Variants in KCNT1 observed in about 807,000 individuals in gnomAD.
KCNT1 encodes the protein potassium sodium-activated channel subfamily T member 1, also known as potassium channel subfamily T member 1.
KCNT1 carries 78 observed loss-of-function variants against 147.8 expected under a neutral mutation model. That is an observed-to-expected ratio of 0.53 (90% CI 0.44 to 0.64). KCNT1 has a LOEUF of 0.64. KCNT1 is among the 30% of genes least tolerant of loss of function. The probability of loss-of-function intolerance (pLI) is 0.00; values close to 1 mark genes in which losing one functional copy is unlikely to be tolerated. For synonymous variants in KCNT1, 867 were observed against 748.8 expected, an observed-to-expected ratio of 1.16 and a Z score of -2.58; for missense variants, 1,419 against 1,750.3, an observed-to-expected ratio of 0.81 and a Z score of 3.38.
chr9:135,718,277 G>A (rs1477177811), intron 2 of KCNT1, among the ~76,000 whole-genome samples: 1 of 152,262 alleles, frequency 6.6e-6, no homozygotes, highest in Non-Finnish European at 1.5e-5. Flanking sequence ...CAGGAGCCGT[G>A]TGAGGTGGGA....
chr9:135,707,676 G>A (rs954097078), intron 1 of KCNT1, among the ~76,000 whole-genome samples: 2 of 152,180 alleles, frequency 1.3e-5, no homozygotes, highest in Non-Finnish European at 2.9e-5. Flanking sequence ...CTCGCCTGGC[G>A]TCTGGCCCAA....
At chr9:135,772,992 C>T (rs770237245) in intron 19 of KCNT1, 43 bp downstream of exon 19, 10 of 1,362,012 alleles carry the variant, frequency 7.3e-6, no homozygotes, top group South Asian at 6.2e-5. Flanking sequence ...GGGGAGGAGC[C>T]GCCCATGAGT....
At chr9:135,764,911 C>A in intron 11 of KCNT1, 120 bp from the exon 12 acceptor site, 4 of 1,050,600 alleles carry the variant, frequency 3.8e-6, no homozygotes, top group East Asian at 2.6e-5. Flanking sequence ...AGGTGTCACC[C>A]CCCGGCCGGC....
chr9:135,795,307 G>A lies in KCNT1; in HGVS notation c.*3146G>A, dbSNP rs1040207987. ...TACAAAAAAAAAAATAGCTAGACGTGGTGGCATGTGCATACAGTCCCAGGT... is the reference window on the plus strand; with the variant it reads ...TACAAAAAAAAAAATAGCTAGACGTAGTGGCATGTGCATACAGTCCCAGGT... On this transcript the variant is annotated 3_prime_UTR_variant, in exon 31 of 31. Transcript: ENST00000371757. The A allele has an allele frequency of 4.0e-5, 6 of 151,720 alleles. No individual in the cohort carries two copies. Among genetic ancestry groups the A allele is most frequent in the African/African-American group, 1.5e-4 (6 of 41,286 alleles). 9.4% of individuals were successfully genotyped at this position (151,720 alleles called of 1,614,324 possible). A position where few individuals can be genotyped will look rare whatever the true frequency, so the allele number is the denominator to read the frequency against.
At chr9:135,753,813 G>A (rs1028268524) in intron 4 of KCNT1, 124 bp from the exon 5 acceptor site, 7 of 933,186 alleles carry the variant, frequency 7.5e-6, no homozygotes, top group African/African-American at 1.6e-5. Context: ...TGATGTGGGG[G>A]TTAGCCCCGG....
intron 24 of KCNT1, 104 bp from the exon 25 acceptor site, chr9:135,783,920 A>G: frequency 1.3e-6 from 1 of 795,176 alleles, no homozygotes; most frequent in Non-Finnish European, 2.2e-6. Context: ...CACAGGTATC[A>G]TGCACACATG....
Position 135,772,912 on chromosome 9 carries a change from G to T in KCNT1, c.2206G>T (p.Val736Leu). 1.9e-6 allele frequency: 3 copies of T among 1,538,612 alleles called. 1 individual carries two copies. Among genetic ancestry groups the T allele is most frequent in the South Asian group, 2.4e-5 (2 of 81,852 alleles). The change falls in exon 19 of 31, where the codon GTG (valine) becomes TTG (leucine). Residue 736 changes from valine to leucine, a missense_variant. Physicochemically the swap from Val to Leu is conservative, Grantham distance 32. Transcript: ENST00000371757. ...GCTGAGCGACCAGTCGGAGGATGAG[G>T]TGACGCCGTCGGACGACGAGGGGCT... is the stretch of plus-strand genomic sequence containing the variant. ...DLLSDQSEDEVTPSDDEGLSV... is the reference protein window; with the variant it reads ...DLLSDQSEDELTPSDDEGLSV...
At chr9:135,702,496 C>T in intron 1 of KCNT1, 128 bp downstream of exon 1, 4 of 764,424 alleles carry the variant, frequency 5.2e-6, no homozygotes, top group Non-Finnish European at 8.8e-6. Flanking sequence ...CCCCAGGACC[C>T]GCGAGTGCCC....
intron 11 of KCNT1, among the ~76,000 whole-genome samples, chr9:135,763,837 G>A (rs1221569985): frequency 1.3e-5 from 2 of 152,118 alleles, no homozygotes; most frequent in East Asian, 1.9e-4. Context: ...TCATCCTCAC[G>A]GCGGCCCTGG....
At position 135,739,209 on chromosome 9, in the gene KCNT1, CA is replaced by C. The variant is rs1404579838; in HGVS notation, c.255-10888del. On this transcript the variant is annotated intron_variant, in intron 2 of 30. Transcript: ENST00000371757. The stretch of plus-strand genomic sequence containing the variant: ...TCACCTGGACTGCGTGTTCTGCCCC[CA>C]CACCATCCCTGAGGGAGGTGGGGCA... 4.6e-5 allele frequency among the ~76,000 whole-genome samples: 7 copies of C among 152,220 alleles called. No homozygotes were observed. In the East Asian group the frequency reaches 1.4e-3, roughly 30 times the overall value.
At chr9:135,727,781 C>T (rs1183875369) in intron 2 of KCNT1, among the ~76,000 whole-genome samples, 1 of 152,222 alleles carries the variant, frequency 6.6e-6, no homozygotes, top group Non-Finnish European at 1.5e-5. Context: ...AGCAAAGGAC[C>T]ATCCAGAGAG....
Position 135,751,040 on chromosome 9 carries a change from T to C in KCNT1, c.433T>C (p.Cys145Arg). 1 of 1,610,320 alleles carries C rather than the reference T, an allele frequency of 6.2e-7. No homozygotes were observed. Among genetic ancestry groups the C allele is most frequent in the South Asian group, 1.1e-5 (1 of 91,050 alleles). ...CGATGACCCGGCCCTGGGCATCGGA[T>C]GGTGGGCCACGTGCGCGGCCGGGCG... ...LLDDPALGIG[C>R]WGCPKQNYSF... is the part of the protein sequence containing the mutation. Residue 145 changes from cysteine to arginine, a missense_variant and splice_region_variant, in exon 4 of 31, where the codon TGC (cysteine) becomes CGC (arginine). By Grantham distance (180) the Cys-to-Arg change is radical (BLOSUM62 -3). Transcript: ENST00000371757.
At chr9:135,767,814 TG>T (rs1832391373) in intron 13 of KCNT1, among the ~76,000 whole-genome samples, 1 of 151,938 alleles carries the variant, frequency 6.6e-6, no homozygotes, top group Non-Finnish European at 1.5e-5. Context: ...AGGGACAAGC[TG>T]GGGGGTTGCT....
intron 1 of KCNT1, among the ~76,000 whole-genome samples, chr9:135,707,166 G>A (rs1483845434): frequency 6.6e-6 from 1 of 152,060 alleles, no homozygotes; most frequent in East Asian, 1.9e-4. Context: ...AAGGCCCGGT[G>A]CACCCCTGCA....
At position 135,777,488 on chromosome 9, in the gene KCNT1, A is replaced by G. The variant is rs1476079719; in HGVS notation, c.2500A>G (p.Ile834Val). The G allele has an allele frequency of 3.1e-6, 5 of 1,613,702 alleles. No individual in the cohort carries two copies. Among genetic ancestry groups the G allele is most frequent in the East Asian group, 2.2e-5 (1 of 44,890 alleles). The change falls in exon 21 of 31, where the codon ATC becomes GTC. Residue 834 changes from isoleucine to valine, a missense_variant. By Grantham distance (29) the Ile-to-Val change is conservative. Around this residue, in one of 5 missense-constraint regions of KCNT1, gnomAD observed 247 missense variants for 397.1 expected, o/e 0.62. Transcript: ENST00000371757. The part of the protein sequence containing the change: ...YYRSRKELNP[I>V]VLLLDNKPDH... ...CAGATCCCGCAAGGAGCTGAACCCC[A>G]TCGTGCTGCTGCTGGACAACAAGTG...
At chr9:135,785,694 C>T (rs1183572413) in intron 28 of KCNT1, 6 of 504,348 alleles carry the variant, frequency 1.2e-5, no homozygotes, top group Non-Finnish European at 2.2e-5. Context: ...AGGTGGGATG[C>T]CTACCTCTTC....
At chr9:135,735,495 G>A (rs1830298293) in intron 2 of KCNT1, among the ~76,000 whole-genome samples, 1 of 152,220 alleles carries the variant, frequency 6.6e-6, no homozygotes, top group Admixed American at 6.5e-5. Flanking sequence ...TGGCACGGGT[G>A]CATGGAGGCC....
chr9:135,771,496 C>T (rs1223044687), intron 18 of KCNT1, among the ~76,000 whole-genome samples: 1 of 152,220 alleles, frequency 6.6e-6, no homozygotes, highest in Non-Finnish European at 1.5e-5. Context: ...CAAGTGGGGC[C>T]GCCCACAGGA....
rs759836338 is a variant in KCNT1, at chr9:135,778,827, G to A, written c.2729+5G>A. 6.2e-6 allele frequency: 10 copies of A among 1,613,108 alleles called. No individual in the cohort carries two copies. The highest frequency in any genetic ancestry group is 3.3e-5 in the Admixed American group (2 of 59,936). On this transcript the variant is annotated splice_donor_5th_base_variant and intron_variant, in intron 23 of 30. Transcript: ENST00000371757. ...CAACGTGCAGACCATGTTCCGGTGCGTCCAGTGTCCGGGGCTCGGCTCTAA... is the reference window on the plus strand; with the variant it reads ...CAACGTGCAGACCATGTTCCGGTGCATCCAGTGTCCGGGGCTCGGCTCTAA...
Sources: gnomAD v4.1 joint callset for allele counts (sites outside exome capture counted in the v4.1 genomes callset) on GRCh38, gnomAD v4.1.1 for gene constraint, gnomAD v4.1.1 regional missense constraint, MANE v1.5 for transcripts, NCBI Gene and HGNC (gene_info 2026-07-23, HGNC 2026-07-21) for gene names.